EXOC6B: variants seen among roughly 807,000 people sequenced by gnomAD.
The protein encoded by EXOC6B is exocyst complex component 6B.
In EXOC6B, 54 loss-of-function variants were observed where a neutral mutation model predicts 113.5. That is an observed-to-expected ratio of 0.48 (90% CI 0.38 to 0.60). EXOC6B has a LOEUF of 0.60. EXOC6B is among the 20% of genes least tolerant of loss of function. The pLI is 0.00. For missense variants in EXOC6B, 797 were observed against 977.5 expected, an observed-to-expected ratio of 0.82 and a Z score of 2.46; for synonymous variants, 357 against 339.0, an observed-to-expected ratio of 1.05 and a Z score of -0.58.
At chr2:72,575,461 G>A (rs1257083687) in intron 7 of EXOC6B, 31 bp downstream of exon 7, 2 of 1,583,318 alleles carry the variant, frequency 1.3e-6, no homozygotes, top group Non-Finnish European at 1.7e-6. Context: ...CTTAAAAATA[G>A]TCTCACTTCC....
intron 1 of EXOC6B, among the ~76,000 whole-genome samples, chr2:72,782,629 CTTCT>C (rs1207156767): frequency 3.3e-5 from 5 of 152,134 alleles, no homozygotes. Flanking sequence ...AAACTTATTC[CTTCT>C]AACTGTGTAT....
chr2:72,478,296 T>C (rs998862790), intron 17 of EXOC6B, among the ~76,000 whole-genome samples: 4 of 152,324 alleles, frequency 2.6e-5, no homozygotes, highest in Admixed American at 2.6e-4. Flanking sequence ...AGCTTGATTA[T>C]GTCACACATG....
At chr2:72,613,076 A>C (rs908211395) in intron 6 of EXOC6B, among the ~76,000 whole-genome samples, 3 of 152,182 alleles carry the variant, frequency 2.0e-5, no homozygotes, top group Non-Finnish European at 4.4e-5. Context: ...AAACAACTGA[A>C]GATATTTTAA....
At chr2:72,361,138 C>T (rs1690288274) in intron 19 of EXOC6B, among the ~76,000 whole-genome samples, 1 of 152,052 alleles carries the variant, frequency 6.6e-6, no homozygotes, top group African/African-American at 2.4e-5. Context: ...GGAATTACAT[C>T]CAGAAGGAAA....
At chr2:72,667,709 A>C (rs1466654522) in intron 6 of EXOC6B, among the ~76,000 whole-genome samples, 1 of 152,234 alleles carries the variant, frequency 6.6e-6, no homozygotes, top group Non-Finnish European at 1.5e-5. Flanking sequence ...CTTTCATCAG[A>C]TTCAAAAATT....
chr2:72,460,424 T>C (rs1478679697), intron 18 of EXOC6B, among the ~76,000 whole-genome samples: 3 of 151,616 alleles, frequency 2.0e-5, no homozygotes, highest in Non-Finnish European at 4.4e-5. Context: ...ACAGGCAACC[T>C]ACAAAATGGG....
chr2:72,569,962 C>T (rs1704419589), intron 7 of EXOC6B, among the ~76,000 whole-genome samples: 1 of 152,106 alleles, frequency 6.6e-6, no homozygotes, highest in South Asian at 2.1e-4. Context: ...TTTTTGTATA[C>T]TTTCCAAACA....
At chr2:72,723,719 A>G (rs931706449) in intron 5 of EXOC6B, among the ~76,000 whole-genome samples, 1 of 151,338 alleles carries the variant, frequency 6.6e-6, no homozygotes, top group African/African-American at 2.4e-5. Context: ...AAAATGCAGT[A>G]GAAAAATCAG....
At chr2:72,523,604 C>A (rs1701601128) in intron 8 of EXOC6B, among the ~76,000 whole-genome samples, 1 of 151,878 alleles carries the variant, frequency 6.6e-6, no homozygotes, top group African/African-American at 2.4e-5. Context: ...CGGTGAAACC[C>A]CGTCTGTACT....
intron 6 of EXOC6B, among the ~76,000 whole-genome samples, chr2:72,710,780 G>A (rs1304598324): frequency 6.6e-6 from 1 of 152,124 alleles, no homozygotes; most frequent in Non-Finnish European, 1.5e-5. Context: ...GAAAGCAAAG[G>A]TTTGAAAGGA....
At chr2:72,341,110 C>A (rs1388154884) in intron 19 of EXOC6B, among the ~76,000 whole-genome samples, 1 of 151,948 alleles carries the variant, frequency 6.6e-6, no homozygotes, top group Non-Finnish European at 1.5e-5. Flanking sequence ...AAATAGATAC[C>A]ATTAATTATC....
At chr2:72,771,828 G>A (rs1683417815) in intron 1 of EXOC6B, among the ~76,000 whole-genome samples, 2 of 151,898 alleles carry the variant, frequency 1.3e-5, no homozygotes, top group African/African-American at 2.4e-5. Flanking sequence ...AAGAAAAGAG[G>A]AAAAATAAAA....
At chr2:72,722,406 A>T (rs1680067902) in intron 5 of EXOC6B, among the ~76,000 whole-genome samples, 1 of 152,160 alleles carries the variant, frequency 6.6e-6, no homozygotes, top group South Asian at 2.1e-4. Context: ...TCTTGCTCTA[A>T]TGAATTTAGT....
intron 15 of EXOC6B, 51 bp from the exon 16 acceptor site, chr2:72,492,480 G>A (rs373805419): frequency 1.3e-5 from 15 of 1,188,238 alleles, no homozygotes; most frequent in South Asian, 5.0e-5. Flanking sequence ...GAATTATTTC[G>A]GCAAACAAAC....
In EXOC6B at chr2:72,512,314, CGGAAGGAAGGAAGGAAGGAA is replaced by C. The variant is rs745543998; in HGVS notation, c.1167+798_1167+817del. Among the ~76,000 whole-genome samples, 106 of 107,624 alleles carry C rather than the reference CGGAAGGAAGGAAGGAAGGAA, an allele frequency of 9.8e-4. 2 individuals are homozygous for C. The highest frequency in any genetic ancestry group is 4.0e-3 in the African/African-American group (104 of 26,202). The allele number at this position is 107,624 out of a possible 152,430, so 70.6% of individuals were successfully genotyped here. A position where few individuals can be genotyped will look rare whatever the true frequency, so the allele number is the denominator to read the frequency against. ...AAGCATAATCAATCTTTAAGAAACA[CGGAAGGAAGGAAGGAAGGAA>C]GGAAGGAAGGAAGGAAGGAAGGAAG... On this transcript the variant is annotated intron_variant, in intron 11 of 21. Transcript: ENST00000272427.
intron 7 of EXOC6B, among the ~76,000 whole-genome samples, chr2:72,574,239 A>G (rs1329846166): frequency 6.6e-6 from 1 of 152,224 alleles, no homozygotes; most frequent in African/African-American, 2.4e-5. Flanking sequence ...TAGTTTAAAC[A>G]TTGCCAATTC....
intron 8 of EXOC6B, among the ~76,000 whole-genome samples, chr2:72,533,089 G>C (rs190671229): frequency 7.9e-5 from 12 of 152,268 alleles, no homozygotes; most frequent in Admixed American, 7.8e-4. Context: ...TGGAAAGAGG[G>C]GAAATTTTTG....
intron 18 of EXOC6B, among the ~76,000 whole-genome samples, chr2:72,406,709 T>G (rs898261310): frequency 1.3e-5 from 2 of 152,122 alleles, no homozygotes; most frequent in Non-Finnish European, 2.9e-5. Context: ...AAGAAGTGTG[T>G]AGAGGGAAAT....
intron 6 of EXOC6B, among the ~76,000 whole-genome samples, chr2:72,654,127 G>A (rs531767840): frequency 2.0e-5 from 3 of 152,016 alleles, no homozygotes; most frequent in Admixed American, 6.6e-5. Context: ...CCACCATCGC[G>A]CCCGGCTAAT....
Sources: gnomAD v4.1 joint callset for allele counts (sites outside exome capture counted in the v4.1 genomes callset) on GRCh38, gnomAD v4.1.1 for gene constraint, MANE v1.5 for transcripts, NCBI Gene and HGNC (gene_info 2026-07-23, HGNC 2026-07-21) for gene names.